DEPDC1B: variants seen among roughly 807,000 people sequenced by gnomAD.
The protein encoded by DEPDC1B is DEP domain containing 1B.
DEPDC1B carries 51 observed loss-of-function variants against 66.5 expected under a neutral mutation model. That is an observed-to-expected ratio of 0.77 (90% CI 0.61 to 0.97). DEPDC1B has a LOEUF of 0.97. Ranked by LOEUF, DEPDC1B falls within the 50% of genes least tolerant of loss-of-function variation. The probability of loss-of-function intolerance (pLI) is 0.00; values close to 1 mark genes in which losing one functional copy is unlikely to be tolerated. For synonymous variants in DEPDC1B, 226 were observed against 223.6 expected (o/e 1.01, Z -0.10); for missense variants, 552 against 637.1 (o/e 0.87, Z 1.44).
At chr5:60,682,659 T>C (rs1158594109) in intron 2 of DEPDC1B, among the ~76,000 whole-genome samples, 1 of 152,122 alleles carries the variant, frequency 6.6e-6, no homozygotes, top group Non-Finnish European at 1.5e-5. Flanking sequence ...ATTTAATGAA[T>C]AAATATAAGC....
intron 2 of DEPDC1B, among the ~76,000 whole-genome samples, chr5:60,663,963 G>C (rs1172205308): frequency 3.3e-5 from 5 of 152,206 alleles, no homozygotes; most frequent in Admixed American, 3.3e-4. Context: ...CAATTAAGAG[G>C]TTCCTTGGCA....
At chr5:60,626,184 C>T (rs959333131) in intron 7 of DEPDC1B, among the ~76,000 whole-genome samples, 3 of 152,136 alleles carry the variant, frequency 2.0e-5, no homozygotes, top group African/African-American at 7.2e-5. Flanking sequence ...CTGGACATTT[C>T]ATAAAAATGG....
chr5:60,690,980 G>T lies in DEPDC1B; in HGVS notation c.49-3753C>A, dbSNP rs75280360. 3.5e-3 allele frequency among the ~76,000 whole-genome samples: 530 copies of T among 152,234 alleles called. 3 individuals carry two copies. The highest frequency in any genetic ancestry group is 0.012 in the African/African-American group (515 of 41,548). On this transcript the variant is annotated intron_variant, in intron 1 of 10. Transcript: ENST00000265036. ...TGGGGTTTGTGTATGCATGTACCCCGGATGTGTAGCACAGTGTGTGACCCA... is the reference window on the plus strand; with the variant it reads ...TGGGGTTTGTGTATGCATGTACCCCTGATGTGTAGCACAGTGTGTGACCCA...
chr5:60,700,123 G>C lies in DEPDC1B; in HGVS notation c.-30C>G, dbSNP rs747164607. The C allele has an allele frequency of 2.0e-6, 3 of 1,537,838 alleles. No homozygotes were observed. The highest frequency in any genetic ancestry group is 1.4e-5 in the African/African-American group (1 of 72,130). Reference sequence around the variant, plus strand: ...CGTAGGCAGCAGCGGCCGCAGCCGCGCCAGCGCTGATCCCCGCCAGCCGGA... The same window carrying C: ...CGTAGGCAGCAGCGGCCGCAGCCGCCCCAGCGCTGATCCCCGCCAGCCGGA... On this transcript the variant is annotated 5_prime_UTR_variant, in exon 1 of 11. Coordinates refer to ENST00000265036, the MANE Select transcript of DEPDC1B (RefSeq NM_018369.3).
intron 1 of DEPDC1B, 128 bp from the exon 2 acceptor site, chr5:60,687,355 A>C (rs887538170): frequency 8.5e-7 from 1 of 1,178,588 alleles, no homozygotes; most frequent in Non-Finnish European, 1.2e-6. Context: ...TAGAGCCTTG[A>C]AAATGTTTTA....
intron 1 of DEPDC1B, 47 bp downstream of exon 1, chr5:60,699,999 G>T (rs772366271): frequency 2.5e-5 from 38 of 1,544,210 alleles, no homozygotes; most frequent in Non-Finnish European, 3.1e-5. Flanking sequence ...CTGAGTGGGG[G>T]CTCGCGGCAC....
At chr5:60,652,986 A>G (rs1465167688) in intron 2 of DEPDC1B, among the ~76,000 whole-genome samples, 1 of 149,214 alleles carries the variant, frequency 6.7e-6, no homozygotes, top group Non-Finnish European at 1.5e-5. Context: ...TATACACACC[A>G]TATTTTCTTT....
intron 2 of DEPDC1B, among the ~76,000 whole-genome samples, chr5:60,663,380 A>G (rs1339709894): frequency 6.6e-6 from 1 of 152,344 alleles, no homozygotes; most frequent in South Asian, 2.1e-4. Flanking sequence ...TTAGGAGTAC[A>G]GAAACCCAAC....
chr5:60,618,762 G>C (rs955699996), intron 7 of DEPDC1B, among the ~76,000 whole-genome samples: 54 of 152,320 alleles, frequency 3.5e-4, no homozygotes, highest in African/African-American at 1.1e-3. Flanking sequence ...AATAGAAAAA[G>C]AGGGAATCCT....
At position 60,618,248 on chromosome 5, in the gene DEPDC1B, A is replaced by G. The variant is rs923843079; in HGVS notation, c.899-12392T>C. 2.0e-5 allele frequency among the ~76,000 whole-genome samples: 3 copies of G among 152,200 alleles called. No individual in the cohort carries two copies. The East Asian group carries it at 5.8e-4, about 29-fold the overall frequency. Reference sequence around the variant, plus strand: ...AAGAACTAGAGAAGCAAGAGCAAACACATTCAAAAGCCAACAGAAGGCAAG... The same window carrying G: ...AAGAACTAGAGAAGCAAGAGCAAACGCATTCAAAAGCCAACAGAAGGCAAG... On this transcript the variant is annotated intron_variant, in intron 7 of 10. Coordinates refer to ENST00000265036, the MANE Select transcript of DEPDC1B (RefSeq NM_018369.3).
At chr5:60,661,405 T>C (rs911149722) in intron 2 of DEPDC1B, among the ~76,000 whole-genome samples, 1 of 152,212 alleles carries the variant, frequency 6.6e-6, no homozygotes, top group Non-Finnish European at 1.5e-5. Context: ...TCTAGGACTA[T>C]GCTCGTCGGA....
chr5:60,624,061 T>C (rs1358762324), intron 7 of DEPDC1B, among the ~76,000 whole-genome samples: 1 of 152,136 alleles, frequency 6.6e-6, no homozygotes, highest in Non-Finnish European at 1.5e-5. Context: ...GTGATGAGTT[T>C]TGTCTTTTTC....
At chr5:60,618,975 T>G (rs1752635189) in intron 7 of DEPDC1B, among the ~76,000 whole-genome samples, 1 of 152,236 alleles carries the variant, frequency 6.6e-6, no homozygotes, top group African/African-American at 2.4e-5. Flanking sequence ...GATGCAAGGC[T>G]GGTTCAACAT....
intron 4 of DEPDC1B, 34 bp from the exon 5 acceptor site, chr5:60,644,909 T>C: frequency 1.3e-6 from 2 of 1,488,024 alleles, no homozygotes; most frequent in Non-Finnish European, 1.8e-6. Flanking sequence ...ATTAGTTCTG[T>C]CTTTAATATT....
chr5:60,687,134 C>T lies in DEPDC1B; in HGVS notation c.142G>A (p.Glu48Lys), dbSNP rs200537740. The T allele has an allele frequency of 1.6e-5, 26 of 1,614,062 alleles. No homozygotes were observed. The highest frequency in any genetic ancestry group is 2.0e-5 in the Non-Finnish European group (24 of 1,180,050). The change falls in exon 2 of 11, where the codon GAA becomes AAA. Residue 48 changes from glutamate to lysine, a missense_variant. Physicochemically the swap from Glu to Lys is moderately conservative, Grantham distance 56. Coordinates refer to ENST00000265036, the MANE Select transcript of DEPDC1B (RefSeq NM_018369.3). ...AGCTCATGCAGCCAATCCACAGCTT[C>T]GGCCGCTGTGAAACAATGCTCATAG... ...KSYEHCFTAA[E>K]AVDWLHELLR...
chr5:60,675,279 C>T (rs1754128980), intron 2 of DEPDC1B, among the ~76,000 whole-genome samples: 1 of 151,756 alleles, frequency 6.6e-6, no homozygotes, highest in Non-Finnish European at 1.5e-5. Flanking sequence ...AAAGAAATGC[C>T]TGGCAGCAAC....
chr5:60,603,550 G>A lies in DEPDC1B; in HGVS notation c.1083C>T (p.Ser361=). The change falls in exon 9 of 11, where the codon TCC becomes TCT. Residue 361 remains serine (S), a synonymous_variant. Transcript: ENST00000265036. ...CATCCTTGGAACACAAGATGCAACG[G>A]GAAAATGTCTGAACCATCTAAAAAA... is the stretch of plus-strand genomic sequence containing the variant. ...GTRTLMVQTF[S]RCILCSKDEV... 5.0e-6 allele frequency: 8 copies of A among 1,603,382 alleles called. No homozygotes were observed. The highest frequency in any genetic ancestry group is 6.8e-6 in the Non-Finnish European group (8 of 1,176,706).
chr5:60,635,493 G>A (rs1375344252), intron 7 of DEPDC1B, among the ~76,000 whole-genome samples: 1 of 152,168 alleles, frequency 6.6e-6, no homozygotes, highest in Non-Finnish European at 1.5e-5. Context: ...TAGGAGAAAG[G>A]GAACAGCAAA....
Position 60,645,627 on chromosome 5 carries a change from AG to A in DEPDC1B, c.451-9del, listed in dbSNP as rs1213230567. 6.2e-7 allele frequency: 1 copy of A among 1,602,858 alleles called. No individual in the cohort carries two copies. Among genetic ancestry groups the A allele is most frequent in the Non-Finnish European group, 8.5e-7 (1 of 1,174,972 alleles). On this transcript the variant is annotated splice_polypyrimidine_tract_variant and intron_variant, in intron 3 of 10. Transcript: ENST00000265036. Reference sequence around the variant, plus strand: ...GTACCACATCTCAGAATTCTAATGGAGGGGGGATGTAAGAAGGGAGGGAAGG... The same window carrying A: ...GTACCACATCTCAGAATTCTAATGGAGGGGGATGTAAGAAGGGAGGGAAGG...
Sources: allele counts gnomAD v4.1 joint callset (sites outside exome capture counted in the v4.1 genomes callset), GRCh38; gene constraint gnomAD v4.1.1; transcripts MANE v1.5; gene names NCBI Gene and HGNC (gene_info 2026-07-23, HGNC 2026-07-21).